Variants in DYSF observed in about 807,000 individuals in gnomAD.
DYSF encodes the protein dysferlin, also known as dystrophy-associated fer-1-like 1.
In DYSF, 212 loss-of-function variants were observed where a neutral mutation model predicts 274.9. The ratio of observed to expected loss-of-function variants is 0.77; its 90% confidence interval spans 0.69 to 0.86. The LOEUF (loss-of-function observed/expected upper bound fraction) is 0.86. Among genes scored for constraint, DYSF ranks in the 40% least tolerant of loss-of-function variants. DYSF has a pLI of 0.00. For missense variants in DYSF, 2,666 were observed against 2,783.2 expected (o/e 0.96, Z 0.95); for synonymous variants, 1,091 against 1,078.7 (o/e 1.01, Z -0.22).
intron 5 of DYSF, 133 bp from the exon 6 acceptor site, chr2:71,513,107 G>A (rs1042071984): frequency 2.0e-5 from 17 of 839,130 alleles, no homozygotes; most frequent in Non-Finnish European, 3.2e-5. Flanking sequence ...GGGCTCCACA[G>A]CTATTTCTGA....
chr2:71,621,899 T>C (rs1263484951), intron 41 of DYSF, among the ~76,000 whole-genome samples: 1 of 152,030 alleles, frequency 6.6e-6, no homozygotes, highest in Non-Finnish European at 1.5e-5. Flanking sequence ...GATCTCATGA[T>C]CTGCCCGCCT....
chr2:71,484,115 C>A (rs987539725), intron 3 of DYSF, among the ~76,000 whole-genome samples: 1 of 122,012 alleles, frequency 8.2e-6, no homozygotes, highest in Non-Finnish European at 1.6e-5. Context: ...TGCAGTGGTG[C>A]GATCTCTGCT....
At position 71,520,161 on chromosome 2, in the gene DYSF, C is replaced by T. The variant is rs372843257; in HGVS notation, c.1003-17C>T. 2.5e-5 allele frequency: 40 copies of T among 1,614,048 alleles called. No homozygotes were observed. The highest frequency in any genetic ancestry group is 3.1e-5 in the Non-Finnish European group (37 of 1,180,038). Reference sequence around the variant, plus strand: ...GGCGGCAAGAGTTTGATTTGTGTCTCCTCTCATTGATTGCAGATGGACGTG... The same window carrying T: ...GGCGGCAAGAGTTTGATTTGTGTCTTCTCTCATTGATTGCAGATGGACGTG... On this transcript the variant is annotated splice_polypyrimidine_tract_variant and intron_variant, in intron 10 of 55. Coordinates refer to ENST00000410020, the MANE Select transcript of DYSF (RefSeq NM_001130987.2).
At chr2:71,506,574 C>A (rs892322708) in intron 4 of DYSF, among the ~76,000 whole-genome samples, 5 of 152,124 alleles carry the variant, frequency 3.3e-5, no homozygotes, top group Non-Finnish European at 5.9e-5. Context: ...GAGCTCTAGG[C>A]CCAGGTTGTG....
chr2:71,544,651 G>C (rs1385227735), intron 17 of DYSF, among the ~76,000 whole-genome samples: 1 of 151,980 alleles, frequency 6.6e-6, no homozygotes, highest in African/African-American at 2.4e-5. Context: ...AGTAGAGACG[G>C]GGTTTCACCA....
chr2:71,519,811 G>GTT (rs70959241), intron 10 of DYSF, among the ~76,000 whole-genome samples: 1,534 of 102,310 alleles, frequency 0.015, 35 homozygotes, highest in Non-Finnish European at 0.022. Context: ...CACCCGGCTA[G>GTT]TTTTTTTTTT....
At chr2:71,537,196 T>C (rs1450693415) in intron 16 of DYSF, among the ~76,000 whole-genome samples, 1 of 147,404 alleles carries the variant, frequency 6.8e-6, no homozygotes, top group Non-Finnish European at 1.5e-5. Flanking sequence ...TGTAAAATAT[T>C]GCAGGAAATT....
intron 3 of DYSF, among the ~76,000 whole-genome samples, chr2:71,493,757 CAGG>C (rs917844920): frequency 2.1e-5 from 3 of 140,850 alleles, no homozygotes; most frequent in Non-Finnish European, 1.5e-5. Context: ...GAGGCTGAGG[CAGG>C]AGAATTGCTT....
chr2:71,502,192 G>A (rs954407583), intron 3 of DYSF, among the ~76,000 whole-genome samples: 9 of 151,394 alleles, frequency 5.9e-5, no homozygotes, highest in African/African-American at 9.7e-5. Context: ...AAATCACCTC[G>A]TTAGGTCGAG....
chr2:71,561,693 C>T (rs532338603), intron 22 of DYSF, 59 bp from the exon 23 acceptor site: 1 of 1,605,730 alleles, frequency 6.2e-7, no homozygotes, highest in African/African-American at 1.3e-5. Context: ...CATGTGCATG[C>T]CTGGACCTGG....
chr2:71,524,663 C>T (rs918594009), intron 12 of DYSF, among the ~76,000 whole-genome samples: 5 of 152,180 alleles, frequency 3.3e-5, no homozygotes, highest in Admixed American at 3.3e-4. Context: ...CTTCGCTGCT[C>T]GCTAGCCCAA....
At chr2:71,577,015 GC>G (rs1459052166) in intron 30 of DYSF, 1 of 152,336 alleles carries the variant, frequency 6.6e-6, no homozygotes, top group African/African-American at 2.4e-5. Context: ...AAGTGGCAAA[GC>G]CCCGAGTCCT....
At chr2:71,618,266 G>GGTGTGTGT (rs567562489) in intron 40 of DYSF, among the ~76,000 whole-genome samples, 1 of 46,016 alleles carries the variant, frequency 2.2e-5, no homozygotes, top group Non-Finnish European at 4.9e-5. Context: ...GTGTGGTAGA[G>GGTGTGTGT]GTGTGTGTGT....
rs11903223 is a variant in DYSF, at chr2:71,686,599, T to A, written c.*107T>A. 1.3e-3 allele frequency: 1,726 copies of A among 1,355,560 alleles called. 17 individuals are homozygous for A. In the African/African-American group the frequency reaches 0.023, roughly 18 times the overall value. The allele number at this position is 1,355,560 out of a possible 1,614,324, so 84.0% of individuals were successfully genotyped here. A position where few individuals can be genotyped will look rare whatever the true frequency, so the allele number is the denominator to read the frequency against. Reference sequence around the variant, plus strand: ...CTCCTCCAGACCTCCTAGGCCTGATTGTCCTGCCAGGGTGGGCAGACAGAC... The same window carrying A: ...CTCCTCCAGACCTCCTAGGCCTGATAGTCCTGCCAGGGTGGGCAGACAGAC... On this transcript the variant is annotated 3_prime_UTR_variant, in exon 56 of 56. Coordinates refer to ENST00000410020, the MANE Select transcript of DYSF (RefSeq NM_001130987.2).
At chr2:71,489,520 T>G (rs4241248) in intron 3 of DYSF, among the ~76,000 whole-genome samples, 121,652 of 152,204 alleles carry the variant, frequency 0.8, 48,955 homozygotes, top group African/African-American at 0.88. Context: ...TGGTGCCATC[T>G]GGGCGGAGGC....
At chr2:71,524,696 C>T (rs770792710) in intron 12 of DYSF, among the ~76,000 whole-genome samples, 2 of 152,244 alleles carry the variant, frequency 1.3e-5, no homozygotes, top group African/African-American at 4.8e-5. Context: ...GATCTTTTGT[C>T]TGTTCCTCCA....
intron 29 of DYSF, 114 bp from the exon 30 acceptor site, chr2:71,574,084 T>C (rs1459449982): frequency 1.5e-6 from 2 of 1,335,996 alleles, no homozygotes; most frequent in Non-Finnish European, 2.1e-6. Flanking sequence ...AGGGCACTAG[T>C]GTGGGAGCTG....
chr2:71,619,301 C>T (rs532602821), intron 40 of DYSF, among the ~76,000 whole-genome samples: 2 of 152,182 alleles, frequency 1.3e-5, no homozygotes, highest in East Asian at 3.9e-4. Context: ...GTGGCCAGCA[C>T]CCCAGGGCCA....
chr2:71,496,422 C>T (rs982640621), intron 3 of DYSF, among the ~76,000 whole-genome samples: 6 of 152,108 alleles, frequency 3.9e-5, no homozygotes, highest in African/African-American at 1.4e-4. Flanking sequence ...CGGGGACAAG[C>T]GCCTTTATTG....
Sources: gnomAD v4.1 joint callset for allele counts (sites outside exome capture counted in the v4.1 genomes callset) on GRCh38, gnomAD v4.1.1 for gene constraint, MANE v1.5 for transcripts, NCBI Gene and HGNC (gene_info 2026-07-23, HGNC 2026-07-21) for gene names.